ABCA3: variants seen among roughly 807,000 people sequenced by gnomAD.
The protein encoded by ABCA3 is phospholipid-transporting ATPase ABCA3.
A neutral mutation model predicts 172.8 loss-of-function variants in ABCA3; 88 were observed. That is an observed-to-expected ratio of 0.51 (90% CI 0.43 to 0.61). ABCA3 has a LOEUF of 0.61. Ranked by LOEUF, ABCA3 falls within the 20% of genes least tolerant of loss-of-function variation. The pLI, the probability that ABCA3 is intolerant of heterozygous loss-of-function variation, is 0.00. For missense variants in ABCA3, 2,164 were observed against 2,301.0 expected, an observed-to-expected ratio of 0.94 and a Z score of 1.22; for synonymous variants, 1,066 against 983.8, an observed-to-expected ratio of 1.08 and a Z score of -1.56.
chr16:2,322,477 C>T (rs1196034112), intron 7 of ABCA3, among the ~76,000 whole-genome samples: 10 of 150,642 alleles, frequency 6.6e-5, no homozygotes, highest in Non-Finnish European at 1.5e-4. Flanking sequence ...GTGCTGCACC[C>T]ATTTACTCGT....
chr16:2,286,078 G>A lies in ABCA3; in HGVS notation c.3279-432C>T, dbSNP rs1049354499. ...GCTTTTCTGCTCTTGGGGCAGGGATGGAGCCAGAAGCTGGGACGCAGCCAT... is the reference window on the plus strand; with the variant it reads ...GCTTTTCTGCTCTTGGGGCAGGGATAGAGCCAGAAGCTGGGACGCAGCCAT... On this transcript the variant is annotated intron_variant, in intron 22 of 32. Transcript: ENST00000301732. The surrounding 1 kb of genome is among the most constrained non-coding windows in gnomAD (Gnocchi z 5.2). 6.6e-6 allele frequency among the ~76,000 whole-genome samples: 1 copy of A among 152,246 alleles called. No individual in the cohort carries two copies. Among genetic ancestry groups the A allele is most frequent in the Non-Finnish European group, 1.5e-5 (1 of 68,038 alleles).
Position 2,298,451 on chromosome 16 carries a change from A to G in ABCA3, c.1831T>C (p.Cys611Arg), listed in dbSNP as rs773236369. ...TCAAACAGGATGTCGTGCTGCGGGC[A>G]CAGGCCCAGGCTCTTCCGGATCTGA... ...MVQIRKSLGL[C>R]PQHDILFDNL... The change falls in exon 15 of 33, where the codon TGC becomes CGC. Residue 611 changes from cysteine (C) to arginine (R), a missense_variant. Cys to Arg is a radical substitution (Grantham distance 180, BLOSUM62 -3). This residue lies in a region of ABCA3 where 1,343 missense variants were observed against 1,369.6 expected (regional missense o/e 0.98). Coordinates refer to ENST00000301732, the MANE Select transcript of ABCA3 (RefSeq NM_001089.3). 5 of 1,614,126 alleles carry G rather than the reference A, an allele frequency of 3.1e-6. No homozygotes were observed. In the South Asian group the frequency reaches 4.4e-5, roughly 14 times the overall value.
chr16:2,330,298 A>G (rs1288149612), intron 1 of ABCA3, among the ~76,000 whole-genome samples: 1 of 150,530 alleles, frequency 6.6e-6, no homozygotes, highest in African/African-American at 2.5e-5. Context: ...CAAAAAAAAA[A>G]AAAAAAAGAA....
intron 1 of ABCA3, among the ~76,000 whole-genome samples, chr16:2,334,215 G>A (rs1363043547): frequency 6.6e-6 from 1 of 152,110 alleles, no homozygotes; most frequent in African/African-American, 2.4e-5. Flanking sequence ...GGACAGGAAG[G>A]ACATTACAGG....
intron 26 of ABCA3, among the ~76,000 whole-genome samples, chr16:2,282,900 A>G (rs4787272): frequency 0.049 from 4,756 of 96,472 alleles, 78 homozygotes; most frequent in Middle Eastern, 0.15. Context: ...CCCCTCCTCC[A>G]GGCACTGGGT....
In ABCA3 at chr16:2,283,889, G is replaced by A; in HGVS notation, c.3862+390C>T. The A allele has an allele frequency of 3.9e-6, 1 of 254,624 alleles. No homozygotes were observed. The highest frequency in any genetic ancestry group is 5.9e-5 in the South Asian group (1 of 17,070). The allele number at this position is 254,624 out of a possible 1,614,324, so 15.8% of individuals were successfully genotyped here. A position where few individuals can be genotyped will look rare whatever the true frequency, so the allele number is the denominator to read the frequency against. On this transcript the variant is annotated intron_variant, in intron 25 of 32. Transcript: ENST00000301732. This position sits in a 1 kb window ranked among gnomAD's most constrained non-coding sequence, Gnocchi z 5.4. The stretch of plus-strand genomic sequence containing the variant: ...GAAGGAGATTTGAGACAGGAGACAG[G>A]AGCTGCCATGCGAGGATGGAGGCGG...
intron 18 of ABCA3, among the ~76,000 whole-genome samples, 160 bp from the exon 19 acceptor site, chr16:2,292,398 G>C (rs1324332537): frequency 5.9e-5 from 9 of 152,104 alleles, no homozygotes; most frequent in Admixed American, 3.9e-4. Context: ...TCAGGAGTTC[G>C]ATACCAGTCT....
chr16:2,306,241 C>T (rs1371779041), intron 11 of ABCA3, among the ~76,000 whole-genome samples: 3 of 152,048 alleles, frequency 2.0e-5, no homozygotes, highest in Non-Finnish European at 4.4e-5. Flanking sequence ...GGGAGGATCA[C>T]TTGAGCCTGG....
At position 2,335,612 on chromosome 16, in the gene ABCA3, C is replaced by T. The variant is rs147697137; in HGVS notation, c.-539+4961G>A. ...ATACTTGGACAGACCCTGGTGTTCA[C>T]GCTGGCTTGTATGTCAGCAGCCGTG... On this transcript the variant is annotated intron_variant, in intron 1 of 32. Coordinates refer to ENST00000301732, the MANE Select transcript of ABCA3 (RefSeq NM_001089.3). Among the ~76,000 whole-genome samples the T allele has an allele frequency of 9.2e-5, 14 of 152,284 alleles. No homozygotes were observed. The East Asian group carries it at 1.3e-3, about 15-fold the overall frequency.
At position 2,298,300 on chromosome 16, in the gene ABCA3, C is replaced by G. The variant is rs1204101538; in HGVS notation, c.1896+86G>C. Reference sequence around the variant, plus strand: ...GGCTCCTGCCCTCCTGGCTCCCTTCCTCCAGTTTAGCTCCTCGGAAGACTG... The same window carrying G: ...GGCTCCTGCCCTCCTGGCTCCCTTCGTCCAGTTTAGCTCCTCGGAAGACTG... On this transcript the variant is annotated intron_variant, in intron 15 of 32. Transcript: ENST00000301732. 3 of 1,587,284 alleles carry G rather than the reference C, an allele frequency of 1.9e-6. No homozygotes were observed. The Admixed American group carries it at 5.0e-5, about 27-fold the overall frequency.
Position 2,319,586 on chromosome 16 carries a change from G to A in ABCA3, c.868C>T (p.Leu290=), listed in dbSNP as rs2093722407. The change falls in exon 8 of 33, where the codon CTG becomes TTG. Residue 290 remains leucine, a synonymous_variant. Coordinates refer to ENST00000301732, the MANE Select transcript of ABCA3 (RefSeq NM_001089.3). ...RAVVQEKERR[L]KEYMRMMGLS... ...GAGCCAAAGCGGGCAGTCACCTTCAGCCTCCTTTCCTTCTCCTGCACGACA... is the reference window on the plus strand; with the variant it reads ...GAGCCAAAGCGGGCAGTCACCTTCAACCTCCTTTCCTTCTCCTGCACGACA... 3 of 1,611,586 alleles carry A rather than the reference G, an allele frequency of 1.9e-6. No homozygotes were observed. In the Admixed American group the frequency reaches 5.0e-5, roughly 27 times the overall value.
intron 3 of ABCA3, 42 bp downstream of exon 3, chr16:2,328,411 T>A (rs1436847645): frequency 2.2e-6 from 1 of 454,212 alleles, no homozygotes; most frequent in Non-Finnish European, 4.4e-6. Flanking sequence ...AACCCAGAGT[T>A]AAGTTCATCT....
intron 1 of ABCA3, among the ~76,000 whole-genome samples, chr16:2,330,288 CAA>C (rs562749881): frequency 5.5e-4 from 43 of 77,838 alleles, no homozygotes; most frequent in Admixed American, 6.1e-4. Context: ...GACCCTGTCT[CAA>C]AAAAAAAAAA....
intron 10 of ABCA3, among the ~76,000 whole-genome samples, chr16:2,315,050 G>C (rs1174735253): frequency 1.4e-5 from 2 of 144,472 alleles, no homozygotes; most frequent in Non-Finnish European, 1.5e-5. Flanking sequence ...GCTAATTTTT[G>C]TATTTTTTTT....
chr16:2,318,472 G>C (rs2093720178), intron 8 of ABCA3, among the ~76,000 whole-genome samples: 1 of 151,900 alleles, frequency 6.6e-6, no homozygotes. Flanking sequence ...TAAAAATAAA[G>C]TTAAAAATTC....
In ABCA3 at chr16:2,319,598, TCTC is replaced by T. The variant is rs767970673; in HGVS notation, c.853_855del (p.Glu285del). 6.2e-7 allele frequency: 1 copy of T among 1,612,410 alleles called. No individual in the cohort carries two copies. The highest frequency in any genetic ancestry group is 8.5e-7 in the Non-Finnish European group (1 of 1,179,956). ...GCAGTCACCTTCAGCCTCCTTTCCT[TCTC>T]CTGCACGACAGCACGGGCAATGGTG... is the stretch of plus-strand genomic sequence containing the variant. On this transcript the variant is annotated inframe_deletion, in exon 8 of 33. Transcript: ENST00000301732.
chr16:2,296,098 G>A (rs938093993), intron 17 of ABCA3, among the ~76,000 whole-genome samples: 1 of 152,204 alleles, frequency 6.6e-6, no homozygotes, highest in Non-Finnish European at 1.5e-5. Context: ...TGATGGTTAT[G>A]GTGTGGTTCT....
rs1567353629 is a variant in ABCA3 at position 2,323,649 on chromosome 16, A to C, written c.487T>G (p.Tyr163Asp). 6.2e-7 allele frequency: 1 copy of C among 1,614,148 alleles called. No individual in the cohort carries two copies. The highest frequency in any genetic ancestry group is 1.1e-5 in the South Asian group (1 of 91,078). ...HLRFSYTRRN[Y>D]MWTQTGSFFL... ...AAGGAGCCTGTTTGGGTCCACATGT[A>C]ATTTCTCCGTGTGTAACTGAACCGT... The change falls in exon 7 of 33, where the codon TAC (tyrosine) becomes GAC (aspartate). Residue 163 changes from tyrosine (Y) to aspartate (D), a missense_variant. Physicochemically the swap from Tyr to Asp is radical, Grantham distance 160. This residue lies in a region of ABCA3 where 1,343 missense variants were observed against 1,369.6 expected (regional missense o/e 0.98). Transcript: ENST00000301732.
Position 2,285,149 on chromosome 16 carries a change from G to A in ABCA3, c.3484-151C>T, listed in dbSNP as rs545263898. ...GCCCCACAGGCCACGTCTGGCCCCCGCGGTGGCTTTCAGCCCCAGGACCCT... is the reference window on the plus strand; with the variant it reads ...GCCCCACAGGCCACGTCTGGCCCCCACGGTGGCTTTCAGCCCCAGGACCCT... On this transcript the variant is annotated intron_variant, in intron 23 of 32. Transcript: ENST00000301732. This position sits in a 1 kb window ranked among gnomAD's most constrained non-coding sequence, Gnocchi z 4.7. 2.9e-5 allele frequency: 28 copies of A among 962,668 alleles called. No homozygotes were observed. The highest frequency in any genetic ancestry group is 3.7e-5 in the Non-Finnish European group (23 of 628,824). The allele number at this position is 962,668 out of a possible 1,614,324, so 59.6% of individuals were successfully genotyped here.
Sources: allele counts gnomAD v4.1 joint callset (sites outside exome capture counted in the v4.1 genomes callset), GRCh38; gene constraint gnomAD v4.1.1; regional missense constraint gnomAD v4.1.1; non-coding constraint Gnocchi (gnomAD v3.1); transcripts MANE v1.5; gene names NCBI Gene and HGNC (gene_info 2026-07-23, HGNC 2026-07-21).